ZNF492: variants seen among roughly 807,000 people sequenced by gnomAD.
ZNF492 encodes zinc finger protein 492.
Under a neutral mutation model 6.4 loss-of-function variants are expected in ZNF492, and 3 were observed. That is an observed-to-expected ratio of 0.47 (90% CI 0.21 to 1.22). The LOEUF (loss-of-function observed/expected upper bound fraction) is 1.22, where lower values mean the gene tolerates loss of function less well. ZNF492 is among the 50% of genes most tolerant of loss of function. ZNF492 has a pLI of 0.22. For missense variants in ZNF492, 356 were observed against 612.5 expected (o/e 0.58, Z 4.42); for synonymous variants, 112 against 205.3 (o/e 0.55, Z 3.89).
chr19:22,635,470 C>G (rs1971751573), intron 1 of ZNF492, among the ~76,000 whole-genome samples: 3 of 152,104 alleles, frequency 2.0e-5, no homozygotes, highest in Admixed American at 6.5e-5. Context: ...CATTTTTTGA[C>G]AAAGCATTAG....
chr19:22,637,021 G>A lies in ZNF492; in HGVS notation c.-94+2547G>A, dbSNP rs955472725. Among the ~76,000 whole-genome samples, 54 of 142,274 alleles carry A rather than the reference G, an allele frequency of 3.8e-4. 1 individual carries two copies. Among genetic ancestry groups the A allele is most frequent in the African/African-American group, 1.3e-3 (49 of 37,730 alleles). 93.3% of individuals were successfully genotyped at this position (142,274 alleles called of 152,430 possible). ...GCCCAGGCTGAAGTGAAGTGGTGCAGTTTGACTCACTGCAATCTCTGCCTC... is the reference window on the plus strand; with the variant it reads ...GCCCAGGCTGAAGTGAAGTGGTGCAATTTGACTCACTGCAATCTCTGCCTC... On this transcript the variant is annotated intron_variant, in intron 1 of 3. Coordinates refer to ENST00000456783, the MANE Select transcript of ZNF492 (RefSeq NM_020855.3).
intron 3 of ZNF492, among the ~76,000 whole-genome samples, chr19:22,660,805 G>A (rs1407980560): frequency 2.7e-5 from 4 of 150,844 alleles, no homozygotes; most frequent in African/African-American, 9.7e-5. Context: ...TTATATGTAG[G>A]GCATATGCAG....
At chr19:22,638,712 A>G (rs940658268) in intron 1 of ZNF492, among the ~76,000 whole-genome samples, 1 of 152,170 alleles carries the variant, frequency 6.6e-6, no homozygotes, top group African/African-American at 2.4e-5. Context: ...TTTTGGTTCC[A>G]TATAAATTTA....
chr19:22,650,797 G>A (rs1055761982), intron 1 of ZNF492, among the ~76,000 whole-genome samples: 1 of 152,136 alleles, frequency 6.6e-6, no homozygotes, highest in African/African-American at 2.4e-5. Context: ...ATGGCCAGGA[G>A]CTATAGAGAT....
chr19:22,650,066 C>T (rs1971923904), intron 1 of ZNF492, among the ~76,000 whole-genome samples: 1 of 152,270 alleles, frequency 6.6e-6, no homozygotes, highest in African/African-American at 2.4e-5. Flanking sequence ...CATTGATTCT[C>T]ATCTTCATGA....
intron 3 of ZNF492, among the ~76,000 whole-genome samples, chr19:22,655,343 T>A (rs1361816437): frequency 6.8e-6 from 1 of 147,242 alleles, no homozygotes; most frequent in East Asian, 2.0e-4. Context: ...GTTTTTAAAT[T>A]TATTTTTGTC....
At chr19:22,657,779 G>A (rs991743048) in intron 3 of ZNF492, among the ~76,000 whole-genome samples, 2 of 152,058 alleles carry the variant, frequency 1.3e-5, no homozygotes, top group Non-Finnish European at 2.9e-5. Flanking sequence ...GTCGGTGTGT[G>A]GTTTAAGAGA....
chr19:22,637,981 AT>A (rs899351673), intron 1 of ZNF492, among the ~76,000 whole-genome samples: 7 of 152,070 alleles, frequency 4.6e-5, no homozygotes, highest in East Asian at 1.9e-4. Context: ...AGTGATGAGC[AT>A]TTTTTTTATG....
In ZNF492 at chr19:22,666,188, C is replaced by CTT. The variant is rs202104125; in HGVS notation, c.*939_*940dup. ...GAAATTAGTTTTTCTTTTTCTTCTT[C>CTT]TTTTTTTTTTTTTTTTTAGATGGAG... On this transcript the variant is annotated 3_prime_UTR_variant, in exon 4 of 4. Transcript: ENST00000456783. 2.9e-5 allele frequency: 4 copies of CTT among 136,360 alleles called. No individual in the cohort carries two copies. The highest frequency in any genetic ancestry group is 4.7e-5 in the Non-Finnish European group (3 of 63,612). 8.4% of individuals were successfully genotyped at this position (136,360 alleles called of 1,614,324 possible). A position where few individuals can be genotyped will look rare whatever the true frequency, so the allele number is the denominator to read the frequency against.
chr19:22,644,422 C>T (rs1434450755), intron 1 of ZNF492, among the ~76,000 whole-genome samples: 1 of 152,086 alleles, frequency 6.6e-6, no homozygotes, highest in African/African-American at 2.4e-5. Flanking sequence ...TATTCCCCTC[C>T]CTGTGTCCTT....
At chr19:22,639,545 T>C (rs1185999675) in intron 1 of ZNF492, among the ~76,000 whole-genome samples, 1 of 151,654 alleles carries the variant, frequency 6.6e-6, no homozygotes, top group African/African-American at 2.4e-5. Context: ...ACCCCGTCTC[T>C]ACTAAAAAAA....
At chr19:22,645,827 T>C (rs1219458285) in intron 1 of ZNF492, among the ~76,000 whole-genome samples, 1 of 152,194 alleles carries the variant, frequency 6.6e-6, no homozygotes, top group Non-Finnish European at 1.5e-5. Flanking sequence ...TATCAGATGG[T>C]TGTAGACGTG....
chr19:22,655,675 A>ATTTTTTTT (rs201831166), intron 3 of ZNF492, among the ~76,000 whole-genome samples: 67 of 109,424 alleles, frequency 6.1e-4, no homozygotes, highest in African/African-American at 2.7e-3. Context: ...CAGTGACTTA[A>ATTTTTTTT]TTTTTTTTTT....
chr19:22,648,456 TTAG>T (rs1477260802), intron 1 of ZNF492, among the ~76,000 whole-genome samples: 4 of 152,350 alleles, frequency 2.6e-5, no homozygotes, highest in Admixed American at 2.6e-4. Flanking sequence ...TAGATGCCTA[TTAG>T]GTCCACTTGA....
intron 3 of ZNF492, among the ~76,000 whole-genome samples, chr19:22,658,921 T>C (rs1390223668): frequency 4.7e-5 from 7 of 149,750 alleles, no homozygotes; most frequent in African/African-American, 1.8e-4. Context: ...GCTTTGTGTT[T>C]TGAAATCAGG....
At chr19:22,635,891 G>T (rs1599392532) in intron 1 of ZNF492, among the ~76,000 whole-genome samples, 2 of 151,928 alleles carry the variant, frequency 1.3e-5, no homozygotes, top group East Asian at 3.9e-4. Context: ...TTTTGGTTCA[G>T]GGGTACACAT....
chr19:22,634,844 A>G (rs1446569833), intron 1 of ZNF492, among the ~76,000 whole-genome samples: 1 of 152,106 alleles, frequency 6.6e-6, no homozygotes, highest in Non-Finnish European at 1.5e-5. Context: ...GGTTTGGTTT[A>G]TGGGGTTCCT....
At chr19:22,636,178 C>T (rs1344498045) in intron 1 of ZNF492, among the ~76,000 whole-genome samples, 1 of 151,796 alleles carries the variant, frequency 6.6e-6, no homozygotes, top group Non-Finnish European at 1.5e-5. Flanking sequence ...CGGCTCACGG[C>T]AACCTCCGCC....
intron 1 of ZNF492, 33 bp from the exon 2 acceptor site, chr19:22,653,274 G>A: frequency 6.2e-7 from 1 of 1,602,416 alleles, no homozygotes; most frequent in Non-Finnish European, 8.5e-7. Context: ...TGGCCACTTG[G>A]TAAATATGTA....
Sources: gnomAD v4.1 joint callset for allele counts (sites outside exome capture counted in the v4.1 genomes callset) on GRCh38, gnomAD v4.1.1 for gene constraint, MANE v1.5 for transcripts, NCBI Gene and HGNC (gene_info 2026-07-23, HGNC 2026-07-21) for gene names.